The following CENPP variants were observed in gnomAD, a reference collection of about 807,000 sequenced individuals.
CENPP encodes centromere protein P.
A neutral mutation model predicts 35.6 loss-of-function variants in CENPP; 24 were observed. The ratio of observed to expected loss-of-function variants is 0.67; its 90% CI spans 0.49 to 0.95. The LOEUF is 0.95. Among genes scored for constraint, CENPP ranks in the 40% least tolerant of loss-of-function variants. The pLI, the probability that CENPP is intolerant of heterozygous loss-of-function variation, is 0.00. For missense variants in CENPP, 332 were observed against 345.3 expected, an observed-to-expected ratio of 0.96 and a Z score of 0.31; for synonymous variants, 120 against 125.5, an observed-to-expected ratio of 0.96 and a Z score of 0.29.
chr9:92,590,944 T>C (rs1850648889), intron 5 of CENPP, among the ~76,000 whole-genome samples: 3 of 152,188 alleles, frequency 2.0e-5, no homozygotes, highest in Non-Finnish European at 4.4e-5. Context: ...AGTTTCAGGA[T>C]AGAGAAGTAT....
chr9:92,587,982 G>A (rs987765424), intron 5 of CENPP, among the ~76,000 whole-genome samples: 1 of 151,660 alleles, frequency 6.6e-6, no homozygotes, highest in Admixed American at 6.6e-5. Context: ...AAAATTAGCT[G>A]GGCATGTTGG....
intron 5 of CENPP, among the ~76,000 whole-genome samples, chr9:92,490,084 G>C (rs1353561843): frequency 6.6e-6 from 1 of 152,216 alleles, no homozygotes; most frequent in Non-Finnish European, 1.5e-5. Context: ...CCTGTAGTCT[G>C]TCCCTGGAAA....
Position 92,551,364 on chromosome 9 carries a change from G to T in CENPP, c.565-59950G>T, listed in dbSNP as rs75406175. Among the ~76,000 whole-genome samples the T allele has an allele frequency of 5.5e-3, 831 of 152,008 alleles. 8 individuals carry two copies. The highest frequency in any genetic ancestry group is 0.019 in the African/African-American group (776 of 41,464). On this transcript the variant is annotated intron_variant, in intron 5 of 7. Transcript: ENST00000375587. ...GATGCTTTTTGTTTTTTGAGATAGG[G>T]TCTTGCTCTGTCACCCAAGCTGGAC...
chr9:92,565,722 A>G (rs1205942731), intron 5 of CENPP, among the ~76,000 whole-genome samples: 1 of 152,178 alleles, frequency 6.6e-6, no homozygotes, highest in Non-Finnish European at 1.5e-5. Context: ...CCCTTTTGGG[A>G]GCCATGCATT....
intron 4 of CENPP, among the ~76,000 whole-genome samples, chr9:92,378,651 G>A (rs543879517): frequency 2.6e-5 from 4 of 152,118 alleles, no homozygotes; most frequent in East Asian, 3.8e-4. Flanking sequence ...CTCAACTCCC[G>A]CAATCATTTA....
At chr9:92,460,422 T>C in intron 5 of CENPP, 1 of 1,107,616 alleles carries the variant, frequency 9.0e-7, no homozygotes, top group Non-Finnish European at 1.4e-6. Context: ...AGGGTCCCTG[T>C]GCACATTCTC....
intron 5 of CENPP, among the ~76,000 whole-genome samples, chr9:92,546,065 T>G (rs577900544): frequency 6.6e-6 from 1 of 152,074 alleles, no homozygotes; most frequent in African/African-American, 2.4e-5. Flanking sequence ...AATGCACCAA[T>G]CAGCACCCTG....
intron 5 of CENPP, among the ~76,000 whole-genome samples, chr9:92,590,439 C>T (rs1243345607): frequency 6.6e-6 from 1 of 152,116 alleles, no homozygotes; most frequent in Non-Finnish European, 1.5e-5. Flanking sequence ...TTGTCTGAGG[C>T]CGAAGTATGA....
chr9:92,371,362 G>C (rs1842000395), intron 4 of CENPP, among the ~76,000 whole-genome samples: 1 of 151,802 alleles, frequency 6.6e-6, no homozygotes, highest in Non-Finnish European at 1.5e-5. Context: ...TAATTGTTTT[G>C]TTGACCCAGT....
rs984563389 is a variant in CENPP at position 92,619,297 on chromosome 9, T to C, written c.*6148T>C. On this transcript the variant is annotated 3_prime_UTR_variant, in exon 8 of 8. Transcript: ENST00000375587. ...AGTTATTCTCCATAAATCTGTCTTT[T>C]GACTGAATTACAAGCTTCTAGAGGG... 9 of 571,552 alleles carry C rather than the reference T, an allele frequency of 1.6e-5. No individual in the cohort carries two copies. The highest frequency in any genetic ancestry group is 2.8e-5 in the East Asian group (1 of 35,640). The allele number at this position is 571,552 out of a possible 1,614,324, so 35.4% of individuals were successfully genotyped here.
intron 5 of CENPP, among the ~76,000 whole-genome samples, chr9:92,454,270 T>C (rs190101797): frequency 6.7e-4 from 102 of 152,340 alleles, no homozygotes; most frequent in African/African-American, 2.4e-3. Flanking sequence ...AGTGAATTAA[T>C]TGCAGGGATT....
At chr9:92,484,402 C>T (rs1846005879) in intron 5 of CENPP, among the ~76,000 whole-genome samples, 1 of 152,140 alleles carries the variant, frequency 6.6e-6, no homozygotes. Context: ...CATTCAGTGA[C>T]ATGCTTTTGA....
chr9:92,409,466 A>G (rs1465461087), intron 5 of CENPP, among the ~76,000 whole-genome samples: 1 of 152,236 alleles, frequency 6.6e-6, no homozygotes, highest in Non-Finnish European at 1.5e-5. Flanking sequence ...GTTATATAAT[A>G]TGCATACATC....
chr9:92,348,113 T>TTTC (rs1491437165), intron 4 of CENPP, among the ~76,000 whole-genome samples: 44 of 366 alleles, frequency 0.12, no homozygotes, highest in South Asian at 0.47. Flanking sequence ...TCTTTCTTTC[T>TTTC]TTTTTTTTTT....
intron 5 of CENPP, among the ~76,000 whole-genome samples, chr9:92,580,481 C>T (rs1003193551): frequency 4.3e-4 from 66 of 152,224 alleles, no homozygotes; most frequent in African/African-American, 1.5e-3. Context: ...AATTTCAGCT[C>T]CTGTTATTGG....
At chr9:92,601,611 A>G (rs1850921603) in intron 5 of CENPP, among the ~76,000 whole-genome samples, 1 of 152,194 alleles carries the variant, frequency 6.6e-6, no homozygotes, top group Non-Finnish European at 1.5e-5. Flanking sequence ...TAGGCCCGGG[A>G]AAGTCTCAGT....
At chr9:92,599,725 GT>G (rs369686319) in intron 5 of CENPP, among the ~76,000 whole-genome samples, 1 of 152,122 alleles carries the variant, frequency 6.6e-6, no homozygotes, top group Non-Finnish European at 1.5e-5. Flanking sequence ...CCCAGTGGTT[GT>G]TTTTTTAATC....
intron 5 of CENPP, among the ~76,000 whole-genome samples, chr9:92,586,182 A>C (rs1850536715): frequency 6.6e-6 from 1 of 152,114 alleles, no homozygotes; most frequent in African/African-American, 2.4e-5. Flanking sequence ...AGTAGCTGGG[A>C]CTACAGGCAT....
At chr9:92,385,518 A>G in intron 5 of CENPP, 4 of 971,468 alleles carry the variant, frequency 4.1e-6, no homozygotes, top group Non-Finnish European at 6.2e-6. Flanking sequence ...TCAAAATGAG[A>G]TACAAGGTTA....
Sources: allele counts gnomAD v4.1 joint callset (sites outside exome capture counted in the v4.1 genomes callset), GRCh38; gene constraint gnomAD v4.1.1; transcripts MANE v1.5; gene names NCBI Gene and HGNC (gene_info 2026-07-23, HGNC 2026-07-21).